NBPF15: variants seen among roughly 807,000 people sequenced by gnomAD.
NBPF15 encodes the protein NBPF family member NBPF15.
Under a neutral mutation model 62.2 loss-of-function variants are expected in NBPF15, and 74 were observed. That is an observed-to-expected ratio of 1.19 (90% CI 0.99 to 1.44). NBPF15 has a LOEUF of 1.44. Among genes scored for constraint, NBPF15 ranks in the 40% most tolerant of loss-of-function variants. The probability of loss-of-function intolerance (pLI) is 0.00; values close to 1 mark genes in which losing one functional copy is unlikely to be tolerated. For synonymous variants in NBPF15, 244 were observed against 209.7 expected, an observed-to-expected ratio of 1.16 and a Z score of -1.41; for missense variants, 790 against 550.0, an observed-to-expected ratio of 1.44 and a Z score of -4.36.
At chr1:144,428,216 G>A (rs1422361266) in intron 15 of NBPF15, among the ~76,000 whole-genome samples, 2 of 143,018 alleles carry the variant, frequency 1.4e-5, no homozygotes, top group African/African-American at 5.5e-5. Context: ...CACACACAGA[G>A]CGAGCTCAGT....
At position 144,428,048 on chromosome 1, in the gene NBPF15, C is replaced by A. The variant is rs1311228497; in HGVS notation, c.1041-58G>T. 4 of 786,000 alleles carry A rather than the reference C, an allele frequency of 5.1e-6. No individual in the cohort carries two copies. The African/African-American group carries it at 6.8e-5, about 13-fold the overall frequency. The allele number at this position is 786,000 out of a possible 1,614,324, so 48.7% of individuals were successfully genotyped here. A position where few individuals can be genotyped will look rare whatever the true frequency, so the allele number is the denominator to read the frequency against. On this transcript the variant is annotated intron_variant, in intron 15 of 21. Transcript: ENST00000581897. ...AGGGGGAATCAGAAACCACACAGTC[C>A]CAGCTAGATTTCATGGCTAACATAA...
intron 20 of NBPF15, among the ~76,000 whole-genome samples, chr1:144,424,275 A>C (rs1241883337): frequency 6.6e-6 from 1 of 151,552 alleles, no homozygotes; most frequent in East Asian, 1.9e-4. Context: ...AATACCCTCA[A>C]ATGATTTCTA....
Position 144,422,739 on chromosome 1 carries a change from T to A in NBPF15, c.*274A>T, listed in dbSNP as rs1252889870. The stretch of plus-strand genomic sequence containing the variant: ...TGAAATCCCTGAGGAATTTTGTAGC[T>A]ACCCAGAGATACGTGGTTCAAATTA... On this transcript the variant is annotated 3_prime_UTR_variant, in exon 22 of 22. Transcript: ENST00000581897. 23 of 674,966 alleles carry A rather than the reference T, an allele frequency of 3.4e-5. No individual in the cohort carries two copies. Among genetic ancestry groups the A allele is most frequent in the Non-Finnish European group, 5.1e-5 (21 of 414,556 alleles). 41.8% of individuals were successfully genotyped at this position (674,966 alleles called of 1,614,324 possible).
At chr1:144,447,685 T>G (rs1473657686) in intron 6 of NBPF15, among the ~76,000 whole-genome samples, 2 of 152,064 alleles carry the variant, frequency 1.3e-5, no homozygotes, top group Non-Finnish European at 2.9e-5. Flanking sequence ...TCCCCAAGTC[T>G]GTGCTCATAT....
rs781934607 is a variant in NBPF15 at position 144,424,022 on chromosome 1, A to T, written c.1664-47T>A. 12 of 761,654 alleles carry T rather than the reference A, an allele frequency of 1.6e-5. 1 individual carries two copies. The highest frequency in any genetic ancestry group is 3.4e-5 in the Admixed American group (2 of 58,668). The allele number at this position is 761,654 out of a possible 1,614,324, so 47.2% of individuals were successfully genotyped here. A position where few individuals can be genotyped will look rare whatever the true frequency, so the allele number is the denominator to read the frequency against. Reference sequence around the variant, plus strand: ...ACAGACACATTAAGCTGATTCCCCTACACATATAACAATCCACTGTCTAAT... The same window carrying T: ...ACAGACACATTAAGCTGATTCCCCTTCACATATAACAATCCACTGTCTAAT... On this transcript the variant is annotated intron_variant, in intron 20 of 21. Coordinates refer to ENST00000581897, the MANE Select transcript of NBPF15 (RefSeq NM_001385408.1).
In NBPF15 at chr1:144,459,390, C is replaced by G. The variant is rs1225501772; in HGVS notation, c.-725G>C. On this transcript the variant is annotated 5_prime_UTR_variant, in exon 3 of 22. Transcript: ENST00000581897. ...CCTGTAGGTCCCAGCTACTTGGGGG[C>G]TGAGGCAGGAGGATCACCTGAGCCT... is the stretch of plus-strand genomic sequence containing the variant. The G allele has an allele frequency of 6.6e-6, 1 of 151,954 alleles. No homozygotes were observed. The highest frequency in any genetic ancestry group is 1.5e-5 in the Non-Finnish European group (1 of 68,060). The allele number at this position is 151,954 out of a possible 1,614,324, so 9.4% of individuals were successfully genotyped here. A position where few individuals can be genotyped will look rare whatever the true frequency, so the allele number is the denominator to read the frequency against.
intron 4 of NBPF15, among the ~76,000 whole-genome samples, chr1:144,451,390 C>G (rs1553545470): frequency 6.6e-6 from 1 of 151,294 alleles, no homozygotes; most frequent in Non-Finnish European, 1.5e-5. Context: ...CCTCTTATCT[C>G]AACTGCAAAG....
chr1:144,440,037 G>A lies in NBPF15; in HGVS notation c.-34C>T, dbSNP rs1681643537. 11 of 1,597,754 alleles carry A rather than the reference G, an allele frequency of 6.9e-6. No individual in the cohort carries two copies. Among genetic ancestry groups the A allele is most frequent in the Admixed American group, 5.0e-5 (3 of 59,946 alleles). On this transcript the variant is annotated splice_region_variant and 5_prime_UTR_variant, in exon 8 of 22. Coordinates refer to ENST00000581897, the MANE Select transcript of NBPF15 (RefSeq NM_001385408.1). ...TTGTGGCAGAAGAGGTGGAGTCAGG[G>A]ACTGGGGAGAAGAAACCCAAACATA...
chr1:144,441,379 C>T lies in NBPF15; in HGVS notation c.-190-1084G>A, dbSNP rs587595538. ...ACTACACCAGGTGTGTAGTGATATC[C>T]TAAAATTTGGTTTTCTCATGCCTAA... On this transcript the variant is annotated intron_variant, in intron 6 of 21. Transcript: ENST00000581897. 1.1e-3 allele frequency among the ~76,000 whole-genome samples: 166 copies of T among 151,956 alleles called. 4 individuals are homozygous for T. Among genetic ancestry groups the T allele is most frequent in the Non-Finnish European group, 1.2e-3 (80 of 67,942 alleles).
intron 20 of NBPF15, among the ~76,000 whole-genome samples, chr1:144,424,400 C>CA (rs1553538865): frequency 6.6e-6 from 1 of 151,734 alleles, no homozygotes; most frequent in Non-Finnish European, 1.5e-5. Flanking sequence ...ACCCTTGAGT[C>CA]AAAATCATAG....
rs181890211 is a variant in NBPF15 at position 144,441,813 on chromosome 1, T to A, written c.-190-1518A>T. ...TGATGGAGAGTGGTTAATATTAACT[T>A]TTTAAAACAACAAATATTATTTCAC... On this transcript the variant is annotated intron_variant, in intron 6 of 21. Transcript: ENST00000581897. 3.2e-3 allele frequency among the ~76,000 whole-genome samples: 481 copies of A among 151,252 alleles called. 8 individuals are homozygous for A. Among genetic ancestry groups the A allele is most frequent in the African/African-American group, 0.011 (464 of 40,802 alleles).
At chr1:144,428,831 G>T (rs1307722805) in intron 14 of NBPF15, among the ~76,000 whole-genome samples, 174 bp from the exon 15 acceptor site, 1 of 151,810 alleles carries the variant, frequency 6.6e-6, no homozygotes, top group Admixed American at 6.6e-5. Context: ...AACTGGCTTG[G>T]GTTCTTTCAT....
At chr1:144,444,879 T>G (rs1366987498) in intron 6 of NBPF15, among the ~76,000 whole-genome samples, 1 of 152,004 alleles carries the variant, frequency 6.6e-6, no homozygotes, top group Non-Finnish European at 1.5e-5. Context: ...AGACACAGTG[T>G]GTAAATTCCT....
At chr1:144,458,193 G>T (rs2102884979) in intron 3 of NBPF15, among the ~76,000 whole-genome samples, 1 of 152,108 alleles carries the variant, frequency 6.6e-6, no homozygotes, top group East Asian at 1.9e-4. Context: ...CGCTTATTTA[G>T]GTACGATCCA....
In NBPF15 at chr1:144,439,923, C is replaced by A. The variant is rs1177049303; in HGVS notation, c.81G>T (p.Gln27His). Residue 27 changes from glutamine to histidine, a missense_variant, in exon 8 of 22, where the codon CAG (glutamine) becomes CAT (histidine). Transcript: ENST00000581897. ...TGAACTGCTGTTTCTTCTCTGCCAA[C>A]TGGGGGCGCAATTTCTCATTGATTT... ...ILEINEKLRPQLAEKKQQFRN... is the reference protein window; with the variant it reads ...ILEINEKLRPHLAEKKQQFRN... 1.2e-6 allele frequency: 2 copies of A among 1,611,576 alleles called. No homozygotes were observed. Among genetic ancestry groups the A allele is most frequent in the East Asian group, 2.2e-5 (1 of 44,854 alleles).
chr1:144,440,915 G>C (rs1445102747), intron 6 of NBPF15, among the ~76,000 whole-genome samples: 3 of 151,238 alleles, frequency 2.0e-5, no homozygotes, highest in Admixed American at 2.0e-4. Context: ...GTGATCTGCC[G>C]CCTCGGCCTC....
At chr1:144,457,558 C>A (rs11488640) in intron 3 of NBPF15, among the ~76,000 whole-genome samples, 14,363 of 151,686 alleles carry the variant, frequency 0.095, 1,856 homozygotes, top group African/African-American at 0.29. Context: ...TAGTATGTTC[C>A]TTCATTCATT....
rs1316960532 is a variant in NBPF15, at chr1:144,427,206, A to G, written c.1214-108T>C. ...GGACTTCAGGCTCCTCAGCATGAGAATAGGACACTGTGAGAGATATTCTTC... is the reference window on the plus strand; with the variant it reads ...GGACTTCAGGCTCCTCAGCATGAGAGTAGGACACTGTGAGAGATATTCTTC... On this transcript the variant is annotated intron_variant, in intron 16 of 21. Coordinates refer to ENST00000581897, the MANE Select transcript of NBPF15 (RefSeq NM_001385408.1). 7.4e-5 allele frequency: 49 copies of G among 660,276 alleles called. No homozygotes were observed. The East Asian group carries it at 1.3e-3, about 17-fold the overall frequency. The allele number at this position is 660,276 out of a possible 1,614,324, so 40.9% of individuals were successfully genotyped here. A position where few individuals can be genotyped will look rare whatever the true frequency, so the allele number is the denominator to read the frequency against.
chr1:144,431,729 A>G (rs1553540245), intron 13 of NBPF15, among the ~76,000 whole-genome samples: 1 of 126,922 alleles, frequency 7.9e-6, no homozygotes, highest in Non-Finnish European at 1.6e-5. Flanking sequence ...ACCTGTGAGT[A>G]AGAACATGCG....
Sources: gnomAD v4.1 joint callset for allele counts (sites outside exome capture counted in the v4.1 genomes callset) on GRCh38, gnomAD v4.1.1 for gene constraint, MANE v1.5 for transcripts, NCBI Gene and HGNC (gene_info 2026-07-23, HGNC 2026-07-21) for gene names.